KLHL22: variants seen among roughly 807,000 people sequenced by gnomAD.
The protein encoded by KLHL22 is kelch like family member 22, also known as kelch-like protein 22.
In KLHL22, 18 loss-of-function variants were observed where a neutral mutation model predicts 60.7. The ratio of observed to expected loss-of-function variants is 0.30; its 90% CI spans 0.20 to 0.44. The LOEUF (loss-of-function observed/expected upper bound fraction) is 0.44, where lower values mean the gene tolerates loss of function less well. Ranked by LOEUF, KLHL22 falls within the 20% of genes least tolerant of loss-of-function variation. The pLI is 1.00. For missense variants in KLHL22, 596 were observed against 852.3 expected (o/e 0.70, Z 3.74); for synonymous variants, 355 against 354.5 (o/e 1.00, Z -0.01).
chr22:20,460,608 CCCAAAAAAAAAAAAAAAAAAAA>C (rs2053137516), intron 4 of KLHL22, among the ~76,000 whole-genome samples: 3 of 32,684 alleles, frequency 9.2e-5, no homozygotes, highest in South Asian at 1.5e-3. Context: ...AACTCCATCC[CCCAAAAAAAAAAAAAAAAAAAA>C]AAAAAAAAAA....
Position 20,465,630 on chromosome 22 carries a change from G to A in KLHL22, c.394-54C>T. ...CTGGGCTGGTGAACAGCATCTGGGG[G>A]TGGGAGAGAGAATGATGGCAGAAAT... is the stretch of plus-strand genomic sequence containing the variant. On this transcript the variant is annotated intron_variant, in intron 3 of 6. Transcript: ENST00000328879. The surrounding 1 kb of genome is among the most constrained non-coding windows in gnomAD (Gnocchi z 4.9). 1 of 885,642 alleles carries A rather than the reference G, an allele frequency of 1.1e-6. No individual in the cohort carries two copies. Among genetic ancestry groups the A allele is most frequent in the Non-Finnish European group, 1.9e-6 (1 of 516,592 alleles). 54.9% of individuals were successfully genotyped at this position (885,642 alleles called of 1,614,324 possible).
intron 2 of KLHL22, among the ~76,000 whole-genome samples, chr22:20,478,669 C>A (rs2146261705): frequency 6.7e-6 from 1 of 150,138 alleles, no homozygotes; most frequent in South Asian, 2.1e-4. Context: ...CGCCCGCCAC[C>A]ACGCCTAGCT....
rs752413911 is a variant in KLHL22, at chr22:20,444,506, C to T, written c.1539+1937G>A. 1.1e-4 allele frequency among the ~76,000 whole-genome samples: 16 copies of T among 152,188 alleles called. 1 individual carries two copies. Among genetic ancestry groups the T allele is most frequent in the African/African-American group, 3.1e-4 (13 of 41,520 alleles). On this transcript the variant is annotated intron_variant, in intron 6 of 6. Coordinates refer to ENST00000328879, the MANE Select transcript of KLHL22 (RefSeq NM_032775.4). The stretch of plus-strand genomic sequence containing the variant: ...CGCCAAGACCCACCCTCAGGGCTTC[C>T]GAATCAGTGGGTCTGAGGTGCCTCG...
chr22:20,470,711 G>C (rs62219864), intron 3 of KLHL22, among the ~76,000 whole-genome samples: 139 of 132,008 alleles, frequency 1.1e-3, no homozygotes, highest in Middle Eastern at 4.0e-3. Flanking sequence ...TGGATGGATG[G>C]ATGCATGCAT....
At chr22:20,453,193 T>C (rs138982473) in intron 5 of KLHL22, among the ~76,000 whole-genome samples, 71 of 152,270 alleles carry the variant, frequency 4.7e-4, no homozygotes, top group African/African-American at 1.7e-3. Flanking sequence ...ACAGAGTTAA[T>C]TTCTTTTGTA....
intron 5 of KLHL22, chr22:20,450,157 A>G: frequency 5.0e-6 from 4 of 795,522 alleles, no homozygotes; most frequent in African/African-American, 1.7e-5. Flanking sequence ...ACATAATGAC[A>G]AATACTCATG....
At chr22:20,451,121 G>C (rs924158181) in intron 5 of KLHL22, 33 of 1,502,132 alleles carry the variant, frequency 2.2e-5, no homozygotes, top group Non-Finnish European at 3.0e-5. Context: ...TACGTCATTG[G>C]TGGCTGTGAT....
chr22:20,442,150 G>A lies in KLHL22; in HGVS notation c.1828C>T (p.Gln610Ter). 1 of 1,543,974 alleles carries A rather than the reference G, an allele frequency of 6.5e-7. No individual in the cohort carries two copies. The highest frequency in any genetic ancestry group is 8.7e-7 in the Non-Finnish European group (1 of 1,144,068). ...TCAGAGGCAAAGTCCGGGTCGGCCT[G>A]GCTGCGGTCAGGGGTCCCGCGGGGC... Reference protein sequence around the residue: ...EPPRGTPDRSQADPDFASEVM... With the variant: ...EPPRGTPDRS The change falls in exon 7 of 7, where the codon CAG (glutamine) becomes TAG (stop). Residue 610 changes from glutamine (Q) to a stop codon, truncating the protein, a stop_gained. Transcript: ENST00000328879. LOFTEE classifies it high-confidence loss of function.
chr22:20,458,695 G>A (rs1424165452), intron 4 of KLHL22, among the ~76,000 whole-genome samples: 1 of 151,978 alleles, frequency 6.6e-6, no homozygotes, highest in Middle Eastern at 3.4e-3. Context: ...ACTCCATCAG[G>A]AGTGGTCTTC....
Position 20,495,414 on chromosome 22 carries a change from AG to A in KLHL22, c.-34+345del, listed in dbSNP as rs2053753275. 6.6e-6 allele frequency among the ~76,000 whole-genome samples: 1 copy of A among 151,944 alleles called. No individual in the cohort carries two copies. Among genetic ancestry groups the A allele is most frequent in the South Asian group, 2.1e-4 (1 of 4,830 alleles). ...CGCTCCAGCGCGGAGGGTCGCGGCC[AG>A]GAAGGCCGCATTCGGACCTGCCGCA... On this transcript the variant is annotated intron_variant, in intron 1 of 6. Coordinates refer to ENST00000328879, the MANE Select transcript of KLHL22 (RefSeq NM_032775.4). The surrounding 1 kb of genome is among the most constrained non-coding windows in gnomAD (Gnocchi z 4.6).
chr22:20,490,387 T>C (rs1329314195), intron 1 of KLHL22, among the ~76,000 whole-genome samples: 4 of 152,186 alleles, frequency 2.6e-5, no homozygotes, highest in African/African-American at 9.7e-5. Context: ...GTACAGCCAA[T>C]TGCTCCTAAG....
chr22:20,481,481 G>A (rs1415542548), intron 2 of KLHL22, among the ~76,000 whole-genome samples: 1 of 152,126 alleles, frequency 6.6e-6, no homozygotes, highest in Non-Finnish European at 1.5e-5. Flanking sequence ...GCTGAGGTGG[G>A]AGAATCACTT....
At chr22:20,450,198 T>C in intron 5 of KLHL22, 2 of 805,274 alleles carry the variant, frequency 2.5e-6, no homozygotes, top group Admixed American at 1.7e-5. Flanking sequence ...ATGAACTCCG[T>C]TGGGAAGAGC....
At chr22:20,442,555 C>A in intron 6 of KLHL22, 117 bp from the exon 7 acceptor site, 1 of 1,282,896 alleles carries the variant, frequency 7.8e-7, no homozygotes, top group East Asian at 2.6e-5. Flanking sequence ...AGGTCAGGCC[C>A]CCTGGAAGGA....
At chr22:20,474,947 G>C (rs1022226845) in intron 2 of KLHL22, among the ~76,000 whole-genome samples, 1 of 152,144 alleles carries the variant, frequency 6.6e-6, no homozygotes, top group Non-Finnish European at 1.5e-5. Flanking sequence ...CCCAACCCAG[G>C]AAGACACCAG....
intron 5 of KLHL22, chr22:20,451,735 T>C: frequency 6.4e-7 from 1 of 1,571,648 alleles, no homozygotes; most frequent in Non-Finnish European, 8.8e-7. Flanking sequence ...CATTGAATGT[T>C]ACAACCCTAT....
intron 2 of KLHL22, among the ~76,000 whole-genome samples, chr22:20,477,521 G>T (rs2146259016): frequency 6.6e-6 from 1 of 152,258 alleles, no homozygotes; most frequent in South Asian, 2.1e-4. Context: ...TGGGAGTGTT[G>T]CTTGAGCCCA....
At chr22:20,475,751 T>C (rs924619457) in intron 2 of KLHL22, among the ~76,000 whole-genome samples, 4 of 152,044 alleles carry the variant, frequency 2.6e-5, no homozygotes, top group Non-Finnish European at 4.4e-5. Flanking sequence ...TCAGTAGAGA[T>C]GGGGTTATCA....
chr22:20,444,876 C>T (rs548400967), intron 6 of KLHL22, among the ~76,000 whole-genome samples: 64 of 152,034 alleles, frequency 4.2e-4, no homozygotes, highest in Non-Finnish European at 8.2e-4. Flanking sequence ...CCTCAACCTC[C>T]TGGGCTCAGT....
Sources: allele counts gnomAD v4.1 joint callset (sites outside exome capture counted in the v4.1 genomes callset), GRCh38; gene constraint gnomAD v4.1.1; non-coding constraint Gnocchi (gnomAD v3.1); transcripts MANE v1.5; gene names NCBI Gene and HGNC (gene_info 2026-07-23, HGNC 2026-07-21).